Variants in RHPN1 observed in about 807,000 individuals in gnomAD.
The protein encoded by RHPN1 is rhophilin-1.
RHPN1 carries 77 observed loss-of-function variants against 74.7 expected under a neutral mutation model. That is an observed-to-expected ratio of 1.03 (90% CI 0.86 to 1.25). The LOEUF is 1.25. Ranked by LOEUF, RHPN1 falls within the 50% of genes most tolerant of loss-of-function variation. The pLI is 0.00. For synonymous variants in RHPN1, 444 were observed against 414.5 expected, an observed-to-expected ratio of 1.07 and a Z score of -0.87; for missense variants, 987 against 932.2, an observed-to-expected ratio of 1.06 and a Z score of -0.77.
intron 1 of RHPN1, among the ~76,000 whole-genome samples, chr8:143,370,352 C>T (rs1053486516): frequency 9.2e-5 from 14 of 152,228 alleles, no homozygotes; most frequent in Middle Eastern, 3.4e-3. Flanking sequence ...GGCAGTGGGG[C>T]GGAGGCAGGC....
chr8:143,378,399 G>C (rs901762), intron 5 of RHPN1, 53 bp downstream of exon 5: 2 of 1,361,696 alleles, frequency 1.5e-6, no homozygotes, highest in Non-Finnish European at 2.0e-6. Context: ...AGACACATGC[G>C]GAGGCTGAAG....
intron 12 of RHPN1, 88 bp downstream of exon 12, chr8:143,381,432 G>C (rs1460694694): frequency 6.8e-7 from 1 of 1,460,520 alleles, no homozygotes; most frequent in Non-Finnish European, 9.3e-7. Flanking sequence ...ACAGGCCATT[G>C]ATGGTGGTCC....
At chr8:143,377,583 T>G in intron 4 of RHPN1, 128 bp downstream of exon 4, 1 of 660,320 alleles carries the variant, frequency 1.5e-6, no homozygotes, top group Non-Finnish European at 2.6e-6. Flanking sequence ...GAGGGAGGCT[T>G]AAAAGGGACG....
At position 143,381,895 on chromosome 8, in the gene RHPN1, T is replaced by C. The variant is rs1162946988; in HGVS notation, c.1724T>C (p.Leu575Pro). ...WWRHAEVVTE[L>P]KAAGEAGASL... ...AGACACGCGGAGGTGGTGACGGAGC[T>C]GAAGGCTGCGGGAGAGGCGGGCGCC... The change falls in exon 14 of 15, where the codon CTG (leucine) becomes CCG (proline). Residue 575 changes from leucine to proline, a missense_variant. Physicochemically the swap from Leu to Pro is moderately conservative, Grantham distance 98. Coordinates refer to ENST00000289013, the MANE Select transcript of RHPN1 (RefSeq NM_052924.3). 3 of 1,612,700 alleles carry C rather than the reference T, an allele frequency of 1.9e-6. No individual in the cohort carries two copies. The highest frequency in any genetic ancestry group is 1.7e-6 in the Non-Finnish European group (2 of 1,179,712).
At chr8:143,377,328 G>A (rs570313599) in intron 3 of RHPN1, 52 bp from the exon 4 acceptor site, 24 of 1,476,200 alleles carry the variant, frequency 1.6e-5, no homozygotes, top group Middle Eastern at 1.7e-4. Context: ...CCGGGCTGCC[G>A]TGGGCAGCAG....
At chr8:143,368,180 G>C (rs766728240), upstream of RHPN1, 2 of 153,824 alleles carry the variant, frequency 1.3e-5, no homozygotes, top group Non-Finnish European at 2.9e-5. Flanking sequence ...AAGGATGTGG[G>C]TTCTGTACGG....
intron 4 of RHPN1, among the ~76,000 whole-genome samples, chr8:143,377,852 G>A (rs1283702367): frequency 6.6e-6 from 1 of 152,220 alleles, no homozygotes; most frequent in East Asian, 1.9e-4. Flanking sequence ...GGGAGAGCTA[G>A]AACAGACTGG....
intron 11 of RHPN1, 150 bp downstream of exon 11, chr8:143,380,933 C>G (rs1464656512): frequency 1.3e-6 from 1 of 754,322 alleles, no homozygotes; most frequent in South Asian, 1.9e-5. Context: ...TCACAGGGAC[C>G]CACAGAGCTG....
At chr8:143,376,792 GCA>G in intron 3 of RHPN1, 139 bp downstream of exon 3, 1 of 1,025,148 alleles carries the variant, frequency 9.8e-7, no homozygotes, top group Non-Finnish European at 1.4e-6. Context: ...GCATGTGTGT[GCA>G]TGCATGTCTG....
chr8:143,365,718 C>T (rs1311375116), upstream of RHPN1, among the ~76,000 whole-genome samples: 2 of 152,220 alleles, frequency 1.3e-5, no homozygotes, highest in African/African-American at 4.8e-5. Context: ...ATAAAGCAGG[C>T]CAGGCACAGC....
intron 8 of RHPN1, 111 bp from the exon 9 acceptor site, chr8:143,379,718 G>A (rs1818568492): frequency 6.8e-7 from 1 of 1,463,564 alleles, no homozygotes; most frequent in Non-Finnish European, 9.0e-7. Context: ...GAACTGAGGT[G>A]CCAGGGAGGC....
upstream of RHPN1, among the ~76,000 whole-genome samples, chr8:143,365,070 C>T (rs565361210): frequency 3.3e-5 from 5 of 152,110 alleles, no homozygotes; most frequent in Non-Finnish European, 7.4e-5. Flanking sequence ...TCTTAACAGG[C>T]GCAACAGTGG....
chr8:143,371,567 C>G (rs1388087103), intron 1 of RHPN1, among the ~76,000 whole-genome samples: 2 of 152,126 alleles, frequency 1.3e-5, no homozygotes, highest in African/African-American at 4.8e-5. Flanking sequence ...TTTGCCCGTC[C>G]CCAGGTCAGC....
At position 143,381,937 on chromosome 8, in the gene RHPN1, C is replaced by T. The variant is rs758430332; in HGVS notation, c.1766C>T (p.Ser589Leu). 17 of 1,608,026 alleles carry T rather than the reference C, an allele frequency of 1.1e-5. No homozygotes were observed. Among genetic ancestry groups the T allele is most frequent in the South Asian group, 8.8e-5 (8 of 90,398 alleles). ...GEAGASLQVV[S>L]LLPSSRLPSL... ...GCGGGCGCCAGCCTGCAGGTGGTGT[C>T]GCTGCTGCCCAGCTCTAGACTGCCC... Residue 589 changes from serine (S) to leucine (L), a missense_variant, in exon 14 of 15, where the codon TCG (serine) becomes TTG (leucine). Physicochemically the swap from Ser to Leu is moderately radical, Grantham distance 145 (BLOSUM62 -2). Coordinates refer to ENST00000289013, the MANE Select transcript of RHPN1 (RefSeq NM_052924.3).
chr8:143,367,848 G>A (rs1817592222), upstream of RHPN1: 1 of 152,082 alleles, frequency 6.6e-6, no homozygotes, highest in South Asian at 2.1e-4. Context: ...TCTGAGCTGA[G>A]GCGAGACCCA....
chr8:143,376,475 C>T (rs1456455893), intron 2 of RHPN1, 50 bp from the exon 3 acceptor site: 2 of 1,602,534 alleles, frequency 1.2e-6, no homozygotes, highest in East Asian at 4.5e-5. Context: ...GGCACGGGGC[C>T]TTTGGCTCTG....
At chr8:143,371,566 C>T (rs951187537) in intron 1 of RHPN1, among the ~76,000 whole-genome samples, 6 of 152,146 alleles carry the variant, frequency 3.9e-5, no homozygotes, top group South Asian at 4.1e-4. Context: ...TTTTGCCCGT[C>T]CCCAGGTCAG....
At chr8:143,378,000 C>G (rs539291049) in intron 4 of RHPN1, among the ~76,000 whole-genome samples, 163 of 152,334 alleles carry the variant, frequency 1.1e-3, no homozygotes, top group African/African-American at 3.5e-3. Context: ...CTCCAGGCCC[C>G]GCTTCTGTGA....
rs184179564 is a variant in RHPN1, at chr8:143,374,709, C to T, written c.61-844C>T. Among the ~76,000 whole-genome samples, 36 of 152,270 alleles carry T rather than the reference C, an allele frequency of 2.4e-4. 1 individual carries two copies. In the South Asian group the frequency reaches 3.7e-3, roughly 16 times the overall value. ...GAGGCCATGGTGAGAGGGAGGGACA[C>T]GTGAGGATCATGTGGGCAGGACCCC... On this transcript the variant is annotated intron_variant, in intron 1 of 14. Transcript: ENST00000289013.
Sources: gnomAD v4.1 joint callset for allele counts (sites outside exome capture counted in the v4.1 genomes callset) on GRCh38, gnomAD v4.1.1 for gene constraint, MANE v1.5 for transcripts, NCBI Gene and HGNC (gene_info 2026-07-23, HGNC 2026-07-21) for gene names.